Variants in NPAS3 observed in about 807,000 individuals in gnomAD.
NPAS3 encodes the protein neuronal PAS domain protein 3.
Under a neutral mutation model 73.1 loss-of-function variants are expected in NPAS3, and 14 were observed. The ratio of observed to expected loss-of-function variants is 0.19; its 90% CI spans 0.13 to 0.30. The LOEUF (loss-of-function observed/expected upper bound fraction) is 0.30, where lower values mean the gene tolerates loss of function less well. NPAS3 is among the 10% of genes least tolerant of loss of function. The pLI is 1.00. For synonymous variants in NPAS3, 620 were observed against 541.5 expected (o/e 1.14, Z -2.01); for missense variants, 1,096 against 1,250.0 (o/e 0.88, Z 1.86).
intron 4 of NPAS3, among the ~76,000 whole-genome samples, chr14:33,543,120 C>T (rs2054596275): frequency 6.6e-6 from 1 of 152,112 alleles, no homozygotes; most frequent in African/African-American, 2.4e-5. Flanking sequence ...AGAACCTTGC[C>T]AAGTGTTCAT....
At chr14:33,169,633 C>A (rs543700285) in intron 2 of NPAS3, among the ~76,000 whole-genome samples, 1 of 152,128 alleles carries the variant, frequency 6.6e-6, no homozygotes, top group African/African-American at 2.4e-5. Flanking sequence ...TTTACCAATG[C>A]ATTTCATTTT....
intron 1 of NPAS3, among the ~76,000 whole-genome samples, chr14:33,035,984 A>AC (rs956743695): frequency 1.3e-5 from 2 of 152,198 alleles, no homozygotes; most frequent in Non-Finnish European, 1.5e-5. Flanking sequence ...TTCGTAACTT[A>AC]TTTTGAAACT....
At chr14:33,432,775 G>A (rs1338512572) in intron 4 of NPAS3, among the ~76,000 whole-genome samples, 2 of 152,124 alleles carry the variant, frequency 1.3e-5, no homozygotes, top group Admixed American at 6.6e-5. Flanking sequence ...TGAACAAGCA[G>A]TTGTCTAAAA....
intron 2 of NPAS3, among the ~76,000 whole-genome samples, chr14:33,166,422 A>G (rs1272007008): frequency 6.6e-6 from 1 of 152,010 alleles, no homozygotes; most frequent in African/African-American, 2.4e-5. Context: ...TACAGCCTGC[A>G]TTCCACCCTG....
At chr14:32,979,117 A>G (rs994542957) in intron 1 of NPAS3, among the ~76,000 whole-genome samples, 1 of 152,204 alleles carries the variant, frequency 6.6e-6, no homozygotes, top group East Asian at 1.9e-4. Flanking sequence ...AAATTGTATA[A>G]CATGTTAAAG....
At chr14:33,027,249 G>C (rs1486364069) in intron 1 of NPAS3, among the ~76,000 whole-genome samples, 2 of 152,114 alleles carry the variant, frequency 1.3e-5, no homozygotes, top group Non-Finnish European at 2.9e-5. Context: ...TCCTCTTCTA[G>C]GAGTTTACAT....
chr14:33,494,643 T>C (rs1345398494), intron 4 of NPAS3, among the ~76,000 whole-genome samples: 2 of 152,116 alleles, frequency 1.3e-5, no homozygotes, highest in African/African-American at 2.4e-5. Context: ...GTCAGAAATA[T>C]ATTTCTGCCA....
At chr14:33,717,481 C>A (rs566270193) in intron 6 of NPAS3, among the ~76,000 whole-genome samples, 2 of 152,146 alleles carry the variant, frequency 1.3e-5, no homozygotes, top group East Asian at 3.9e-4. Flanking sequence ...CGTAAACACA[C>A]AAACCTAAGT....
At chr14:33,562,280 A>G (rs1049200337) in intron 5 of NPAS3, among the ~76,000 whole-genome samples, 5 of 152,178 alleles carry the variant, frequency 3.3e-5, no homozygotes, top group African/African-American at 1.2e-4. Flanking sequence ...CTGTGTAGAC[A>G]TGGTACAGTA....
chr14:33,582,445 CTA>C (rs2056702257), intron 5 of NPAS3, among the ~76,000 whole-genome samples: 1 of 152,132 alleles, frequency 6.6e-6, no homozygotes, highest in Non-Finnish European at 1.5e-5. Flanking sequence ...CAGGACTTTG[CTA>C]TGTTCCTGAA....
At chr14:33,596,016 A>G (rs748075892) in intron 5 of NPAS3, among the ~76,000 whole-genome samples, 1 of 152,204 alleles carries the variant, frequency 6.6e-6, no homozygotes, top group Non-Finnish European at 1.5e-5. Flanking sequence ...ATTCACTAAC[A>G]CTTTACGTCG....
intron 7 of NPAS3, among the ~76,000 whole-genome samples, chr14:33,745,415 C>T (rs760932528): frequency 2.0e-5 from 3 of 152,196 alleles, no homozygotes; most frequent in Non-Finnish European, 4.4e-5. Context: ...GTCCTGCATT[C>T]CTGGGTCTGT....
At chr14:33,498,933 AGAGTGTGTGTGTGTGTGTGTGT>A (rs1285443629) in intron 4 of NPAS3, among the ~76,000 whole-genome samples, 1 of 76,964 alleles carries the variant, frequency 1.3e-5, no homozygotes, top group African/African-American at 5.5e-5. Flanking sequence ...AGACAGAGAG[AGAGTGTGTGTGTGTGTGTGTGT>A]GTGTGTGTGT....
chr14:33,503,261 G>A (rs1302165963), intron 4 of NPAS3, among the ~76,000 whole-genome samples: 3 of 151,882 alleles, frequency 2.0e-5, no homozygotes, highest in Non-Finnish European at 2.9e-5. Context: ...TCCACACTAT[G>A]TAATACTCTA....
chr14:33,634,691 C>T lies in NPAS3; in HGVS notation c.559-41520C>T, dbSNP rs181629557. Among the ~76,000 whole-genome samples the T allele has an allele frequency of 3.5e-4, 53 of 152,182 alleles. No homozygotes were observed. In the South Asian group the frequency reaches 5.4e-3, roughly 16 times the overall value. ...AGTTGGGGGAATAGGTTTGGGGATA[C>T]GGGGAGGAAAGACCAAAGGAGATTC... On this transcript the variant is annotated intron_variant, in intron 5 of 11. Coordinates refer to ENST00000356141, the Ensembl canonical transcript of NPAS3.
intron 6 of NPAS3, among the ~76,000 whole-genome samples, chr14:33,733,359 T>G (rs552165408): frequency 6.6e-6 from 1 of 152,104 alleles, no homozygotes; most frequent in African/African-American, 2.4e-5. Context: ...CGGCATCCCT[T>G]ACGAGAAAAA....
intron 2 of NPAS3, among the ~76,000 whole-genome samples, chr14:33,097,378 GTTGT>G (rs2042453210): frequency 6.6e-6 from 1 of 152,168 alleles, no homozygotes; most frequent in Non-Finnish European, 1.5e-5. Context: ...GTATATCATT[GTTGT>G]TTGTTCAGTC....
intron 3 of NPAS3, among the ~76,000 whole-genome samples, chr14:33,292,985 T>A (rs998090422): frequency 3.3e-5 from 5 of 152,202 alleles, no homozygotes; most frequent in African/African-American, 1.2e-4. Context: ...CAGGCAGCAG[T>A]CTCAGCTTGT....
At chr14:33,477,599 G>A (rs2051102693) in intron 4 of NPAS3, among the ~76,000 whole-genome samples, 1 of 152,076 alleles carries the variant, frequency 6.6e-6, no homozygotes, top group Non-Finnish European at 1.5e-5. Context: ...TGGGACCCAT[G>A]ATGGGGTGAC....
Sources: allele counts gnomAD v4.1 joint callset (sites outside exome capture counted in the v4.1 genomes callset), GRCh38; gene constraint gnomAD v4.1.1; transcripts MANE v1.5; gene names NCBI Gene and HGNC (gene_info 2026-07-23, HGNC 2026-07-21).